SLC25A27: variants seen among roughly 807,000 people sequenced by gnomAD.
SLC25A27 encodes solute carrier family 25 member 27.
Under a neutral mutation model 49.1 loss-of-function variants are expected in SLC25A27, and 35 were observed. That is an observed-to-expected ratio of 0.71 (90% confidence interval 0.54 to 0.95). SLC25A27 has a LOEUF of 0.95. Ranked by LOEUF, SLC25A27 falls within the 40% of genes least tolerant of loss-of-function variation. The probability of loss-of-function intolerance (pLI) is 0.00; values close to 1 mark genes in which losing one functional copy is unlikely to be tolerated. For missense variants in SLC25A27, 339 were observed against 397.1 expected, an observed-to-expected ratio of 0.85 and a Z score of 1.24; for synonymous variants, 144 against 136.9, an observed-to-expected ratio of 1.05 and a Z score of -0.36.
At position 46,656,027 on chromosome 6, in the gene SLC25A27, A is replaced by C. The variant is rs1233931896; in HGVS notation, c.291A>C (p.Arg97Ser). ...AAGGAGTGACACCCGCCATTTACAG[A>C]CACGTAGGTATTTATCTTGATTCTA... is the stretch of plus-strand genomic sequence containing the variant. ...LWQGVTPAIY[R>S]HVVYSGGRMV... The change falls in exon 2 of 9, where the codon AGA becomes AGC. Residue 97 changes from arginine (R) to serine (S), a missense_variant. Physicochemically the swap from Arg to Ser is moderately radical, Grantham distance 110. Transcript: ENST00000371347. 6.2e-7 allele frequency: 1 copy of C among 1,607,820 alleles called. No homozygotes were observed. Among genetic ancestry groups the C allele is most frequent in the African/African-American group, 1.3e-5 (1 of 74,570 alleles).
intron 8 of SLC25A27, among the ~76,000 whole-genome samples, chr6:46,674,840 A>G (rs1218320603): frequency 3.3e-5 from 5 of 152,176 alleles, no homozygotes; most frequent in Non-Finnish European, 7.3e-5. Context: ...TTATTTGTAA[A>G]CTTAATCAAC....
In SLC25A27 at chr6:46,664,833, T is replaced by G; in HGVS notation, c.566T>G (p.Leu189Arg). ...KILAEGGIRG[L>R]WAGWVPNIQR... is the part of the protein sequence containing the mutation. The stretch of plus-strand genomic sequence containing the variant: ...TTAGCTGAAGGAGGAATACGAGGGC[T>G]TTGGGCAGGCTGGGTACCCAATATA... The change falls in exon 5 of 9, where the codon CTT (leucine) becomes CGT (arginine). Residue 189 changes from leucine to arginine, a missense_variant. Leu to Arg is a moderately radical substitution (Grantham distance 102). Transcript: ENST00000371347. 1.2e-6 allele frequency: 2 copies of G among 1,609,454 alleles called. No homozygotes were observed. Among genetic ancestry groups the G allele is most frequent in the South Asian group, 2.2e-5 (2 of 90,370 alleles).
At chr6:46,666,067 A>G in intron 5 of SLC25A27, among the ~76,000 whole-genome samples, 1 of 152,182 alleles carries the variant, frequency 6.6e-6, no homozygotes, top group Non-Finnish European at 1.5e-5. Flanking sequence ...TGCACATACC[A>G]AACTGTTCTT....
At chr6:46,655,598 G>A (rs976945838) in intron 1 of SLC25A27, among the ~76,000 whole-genome samples, 1 of 113,662 alleles carries the variant, frequency 8.8e-6, no homozygotes, top group East Asian at 2.6e-4. Context: ...ATGCTCTTGC[G>A]TAGTGATTCT....
chr6:46,656,873 A>G (rs1303288054), intron 2 of SLC25A27, among the ~76,000 whole-genome samples: 1 of 152,236 alleles, frequency 6.6e-6, no homozygotes, highest in Non-Finnish European at 1.5e-5. Context: ...TAAGCAAAAA[A>G]CAATGAAGCA....
At chr6:46,670,999 G>C in intron 7 of SLC25A27, 127 bp from the exon 8 acceptor site, 1 of 604,730 alleles carries the variant, frequency 1.7e-6, no homozygotes, top group African/African-American at 2.0e-5. Flanking sequence ...CAAAGTGCTG[G>C]GATTACAGGC....
intron 4 of SLC25A27, among the ~76,000 whole-genome samples, chr6:46,662,807 C>G (rs1763202234): frequency 6.6e-6 from 1 of 152,162 alleles, no homozygotes; most frequent in Admixed American, 6.5e-5. Context: ...TGGTGTGAAT[C>G]TCAATTTTGC....
chr6:46,674,759 T>G (rs980088995), intron 8 of SLC25A27, among the ~76,000 whole-genome samples: 2 of 152,184 alleles, frequency 1.3e-5, no homozygotes, highest in East Asian at 3.9e-4. Context: ...TTTCCTAAAT[T>G]CAAGCTATAT....
At position 46,656,050 on chromosome 6, in the gene SLC25A27, C is replaced by T; in HGVS notation, c.298+16C>T. ...AGACACGTAGGTATTTATCTTGATT[C>T]TAGCTGGTAAGTTTGTTATGAGTTC... is the stretch of plus-strand genomic sequence containing the variant. On this transcript the variant is annotated intron_variant, in intron 2 of 8. Transcript: ENST00000371347. 6.3e-7 allele frequency: 1 copy of T among 1,587,884 alleles called. No homozygotes were observed. The highest frequency in any genetic ancestry group is 8.6e-7 in the Non-Finnish European group (1 of 1,167,726).
At chr6:46,668,848 C>A in intron 6 of SLC25A27, 55 bp downstream of exon 6, 1 of 987,594 alleles carries the variant, frequency 1.0e-6, no homozygotes, top group Non-Finnish European at 1.6e-6. Flanking sequence ...CTTTTTCTTC[C>A]ATATTTGACA....
In SLC25A27 at chr6:46,676,372, T is replaced by TAC. The variant is rs1357346911; in HGVS notation, c.901-10_901-9insCA. ...TGAAATATGCACTAACTTCTTTGGTTAATCTTTCAGACCCCTTGGTCAATG... is the reference window on the plus strand; with the variant it reads ...TGAAATATGCACTAACTTCTTTGGTTACAATCTTTCAGACCCCTTGGTCAATG... On this transcript the variant is annotated splice_polypyrimidine_tract_variant and intron_variant, in intron 8 of 8. Transcript: ENST00000371347. 6.2e-7 allele frequency: 1 copy of TAC among 1,613,120 alleles called. No individual in the cohort carries two copies. The highest frequency in any genetic ancestry group is 1.1e-5 in the South Asian group (1 of 90,984).
At chr6:46,667,227 G>A (rs147098352) in intron 5 of SLC25A27, among the ~76,000 whole-genome samples, 31 of 151,840 alleles carry the variant, frequency 2.0e-4, no homozygotes, top group African/African-American at 6.8e-4. Flanking sequence ...TTCTTTCTCC[G>A]TTCCATATTC....
In SLC25A27 at chr6:46,676,488, T is replaced by G; in HGVS notation, c.*34T>G. 6.2e-7 allele frequency: 1 copy of G among 1,612,982 alleles called. No individual in the cohort carries two copies. Reference sequence around the variant, plus strand: ...AGATGCAACCCTTAAAGATACAGTGTTCAGTATTATTGAAATATGGGCATC... The same window carrying G: ...AGATGCAACCCTTAAAGATACAGTGGTCAGTATTATTGAAATATGGGCATC... On this transcript the variant is annotated 3_prime_UTR_variant, in exon 9 of 9. Coordinates refer to ENST00000371347, the MANE Select transcript of SLC25A27 (RefSeq NM_004277.5).
At chr6:46,659,414 TCA>T (rs1440944117) in intron 3 of SLC25A27, among the ~76,000 whole-genome samples, 1 of 152,196 alleles carries the variant, frequency 6.6e-6, no homozygotes, top group Non-Finnish European at 1.5e-5. Flanking sequence ...TCTTCAGTTT[TCA>T]CAGCTATAGA....
chr6:46,670,114 T>A, intron 6 of SLC25A27, 21 bp from the exon 7 acceptor site: 5 of 1,540,448 alleles, frequency 3.2e-6, no homozygotes, highest in Non-Finnish European at 4.5e-6. Flanking sequence ...ATCTTTCAAT[T>A]TCATTTATTT....
intron 3 of SLC25A27, among the ~76,000 whole-genome samples, chr6:46,660,374 A>G (rs6924489): frequency 0.85 from 128,667 of 152,084 alleles, 54,734 homozygotes; most frequent in African/African-American, 0.93. Context: ...ATAATCAGGG[A>G]AATTAATTAA....
At chr6:46,658,577 G>C in intron 2 of SLC25A27, 1 of 409,600 alleles carries the variant, frequency 2.4e-6, no homozygotes, top group Non-Finnish European at 4.7e-6. Flanking sequence ...CATAGAGCCT[G>C]CCTGGAGAAG....
In SLC25A27 at chr6:46,653,202, C is replaced by G; in HGVS notation, c.10C>G (p.Pro4Ala). 1 of 1,613,374 alleles carries G rather than the reference C, an allele frequency of 6.2e-7. No individual in the cohort carries two copies. Among genetic ancestry groups the G allele is most frequent in the Non-Finnish European group, 8.5e-7 (1 of 1,179,584 alleles). The change falls in exon 1 of 9, where the codon CCG becomes GCG. Residue 4 changes from proline to alanine, a missense_variant. Coordinates refer to ENST00000371347, the MANE Select transcript of SLC25A27 (RefSeq NM_004277.5). MSV[P>A]EEEERLLPLT... is the part of the protein sequence containing the mutation. ...CTTGCGCTACTGCTGAATGTCCGTC[C>G]CGGAGGAGGAGGAGAGGCTTTTGCC...
At chr6:46,657,633 GAAAA>G (rs1263958786) in intron 2 of SLC25A27, among the ~76,000 whole-genome samples, 2 of 152,086 alleles carry the variant, frequency 1.3e-5, no homozygotes, top group Non-Finnish European at 2.9e-5. Context: ...GTTTAAGAAA[GAAAA>G]AGTGAATAGC....
Sources: gnomAD v4.1 joint callset for allele counts (sites outside exome capture counted in the v4.1 genomes callset) on GRCh38, gnomAD v4.1.1 for gene constraint, MANE v1.5 for transcripts, NCBI Gene and HGNC (gene_info 2026-07-23, HGNC 2026-07-21) for gene names.